Variants in HDAC4 observed in about 807,000 individuals in gnomAD.
HDAC4 encodes histone deacetylase A.
Under a neutral mutation model 135.1 loss-of-function variants are expected in HDAC4, and 16 were observed. The observed-to-expected ratio is 0.12, with a 90% confidence interval of 0.08 to 0.18. HDAC4 has a LOEUF of 0.18. Ranked by LOEUF, HDAC4 falls within the 10% of genes least tolerant of loss-of-function variation. The probability of loss-of-function intolerance (pLI) is 1.00; values close to 1 mark genes in which losing one functional copy is unlikely to be tolerated. For missense variants in HDAC4, 1,143 were observed against 1,511.8 expected (o/e 0.76, Z 4.05); for synonymous variants, 685 against 653.4 (o/e 1.05, Z -0.74).
chr2:239,140,826 C>A, intron 8 of HDAC4: 1 of 379,210 alleles, frequency 2.6e-6, no homozygotes, highest in Admixed American at 3.1e-5. Context: ...GCTTGCTGCC[C>A]GCGTCCTCCT....
Position 239,282,352 on chromosome 2 carries a change from T to C in HDAC4, c.23-45688A>G, listed in dbSNP as rs373357656. On this transcript the variant is annotated intron_variant, in intron 2 of 26. Coordinates refer to ENST00000543185, the MANE Select transcript of HDAC4 (RefSeq NM_001378414.1). ...AATGTACACACCACTCTCCACACAA[T>C]GTACACACCACTCTACAATGCACAC... Among the ~76,000 whole-genome samples the C allele has an allele frequency of 3.4e-5, 5 of 146,732 alleles. No homozygotes were observed. In the South Asian group the frequency reaches 6.8e-4, roughly 20 times the overall value.
At chr2:239,150,474 ATACACACACAGG>A (rs1469720830) in intron 7 of HDAC4, among the ~76,000 whole-genome samples, 1 of 151,738 alleles carries the variant, frequency 6.6e-6, no homozygotes, top group South Asian at 2.1e-4. Flanking sequence ...AGAAACACAG[ATACACACACAGG>A]TACACACACA....
intron 3 of HDAC4, among the ~76,000 whole-genome samples, chr2:239,222,505 T>C (rs2047012546): frequency 8.4e-6 from 1 of 119,010 alleles, no homozygotes; most frequent in South Asian, 2.6e-4. Flanking sequence ...TCCTGGAAAC[T>C]ATAAATAGAA....
intron 5 of HDAC4, among the ~76,000 whole-genome samples, chr2:239,168,634 C>T (rs1346115872): frequency 6.6e-6 from 1 of 152,210 alleles, no homozygotes; most frequent in African/African-American, 2.4e-5. Context: ...GGCGGTGCTT[C>T]GTGTCCCCCG....
At chr2:239,395,494 T>TA (rs1361820963) in intron 1 of HDAC4, among the ~76,000 whole-genome samples, 3 of 152,246 alleles carry the variant, frequency 2.0e-5, no homozygotes, top group African/African-American at 7.2e-5. Flanking sequence ...GCCAAGGACT[T>TA]AAAGAGTACT....
At chr2:239,274,000 G>A (rs910300773) in intron 2 of HDAC4, among the ~76,000 whole-genome samples, 1 of 152,200 alleles carries the variant, frequency 6.6e-6, no homozygotes, top group Admixed American at 6.5e-5. Context: ...TCGCATGTTC[G>A]GAAGACACCT....
At chr2:239,397,459 A>G (rs984700562) in intron 1 of HDAC4, among the ~76,000 whole-genome samples, 2 of 152,166 alleles carry the variant, frequency 1.3e-5, no homozygotes, top group Admixed American at 1.3e-4. Context: ...CGACAGTGAT[A>G]CAGGAAGTCA....
intron 22 of HDAC4, among the ~76,000 whole-genome samples, chr2:239,078,387 A>G (rs1335368396): frequency 7.0e-6 from 1 of 142,566 alleles, no homozygotes; most frequent in Non-Finnish European, 1.5e-5. Flanking sequence ...GCTGCCTGGA[A>G]GGCATGCATT....
Position 239,144,625 on chromosome 2 carries a change from G to A in HDAC4, c.823C>T (p.Pro275Ser). 6.2e-7 allele frequency: 1 copy of A among 1,614,172 alleles called. No individual in the cohort carries two copies. Among genetic ancestry groups the A allele is most frequent in the Non-Finnish European group, 8.5e-7 (1 of 1,180,020 alleles). Residue 275 changes from proline to serine, a missense_variant, in exon 8 of 27, where the codon CCA becomes TCA. By Grantham distance (74) the Pro-to-Ser change is moderately conservative (BLOSUM62 -1). Coordinates refer to ENST00000543185, the MANE Select transcript of HDAC4 (RefSeq NM_001378414.1). ...SSPLLRRKDGPVVTALKKRPL... is the reference protein window; with the variant it reads ...SSPLLRRKDGSVVTALKKRPL... ...CGCTTTTTTAGAGCAGTGACCACTGGCCCGTCTTTCCTGCGTAACAGGGGG... is the reference window on the plus strand; with the variant it reads ...CGCTTTTTTAGAGCAGTGACCACTGACCCGTCTTTCCTGCGTAACAGGGGG...
At chr2:239,092,532 G>A (rs769282473) in intron 17 of HDAC4, among the ~76,000 whole-genome samples, 1 of 152,216 alleles carries the variant, frequency 6.6e-6, no homozygotes, top group Non-Finnish European at 1.5e-5. Flanking sequence ...GGAGCTGCTC[G>A]GTCTACCAGG....
chr2:239,393,214 C>T (rs1388888878), intron 1 of HDAC4, among the ~76,000 whole-genome samples: 2 of 152,184 alleles, frequency 1.3e-5, no homozygotes, highest in Non-Finnish European at 2.9e-5. Context: ...AAGCATGTGC[C>T]CCAAGGAGGG....
chr2:239,312,379 G>A (rs1368046876), intron 2 of HDAC4, among the ~76,000 whole-genome samples: 1 of 152,172 alleles, frequency 6.6e-6, no homozygotes. Context: ...CTGCACGGTG[G>A]TGGTGCTGCC....
At position 239,118,859 on chromosome 2, in the gene HDAC4, TTGA is replaced by T. The variant is rs2039378256; in HGVS notation, c.1534-3552_1534-3550del. 9.2e-5 allele frequency among the ~76,000 whole-genome samples: 14 copies of T among 152,318 alleles called. No individual in the cohort carries two copies. In the South Asian group the frequency reaches 2.7e-3, roughly 29 times the overall value. On this transcript the variant is annotated intron_variant, in intron 12 of 26. Coordinates refer to ENST00000543185, the MANE Select transcript of HDAC4 (RefSeq NM_001378414.1). ...GCATGTGTTTCAACACTAGTTTCAC[TTGA>T]TGATTTTGAGGTCTGTGATTGCTTC...
In HDAC4 at chr2:239,107,688, G is replaced by C. The variant is rs535410957; in HGVS notation, c.2112+362C>G. Among the ~76,000 whole-genome samples the C allele has an allele frequency of 2.7e-4, 41 of 152,362 alleles. No homozygotes were observed. In the East Asian group the frequency reaches 7.9e-3, roughly 29 times the overall value. ...CCCGTGGCTCCTTCCTGGCAGCCCT[G>C]GGGGAGCATGGTGGGAACTGGTTTC... On this transcript the variant is annotated intron_variant, in intron 15 of 26. Transcript: ENST00000543185.
chr2:239,312,084 T>C (rs1193891918), intron 2 of HDAC4, among the ~76,000 whole-genome samples: 1 of 152,210 alleles, frequency 6.6e-6, no homozygotes, highest in Non-Finnish European at 1.5e-5. Flanking sequence ...CAGTTTAGAC[T>C]TGAGGAACCT....
At chr2:239,153,726 CAAGA>C (rs2042253443) in intron 7 of HDAC4, among the ~76,000 whole-genome samples, 1 of 152,196 alleles carries the variant, frequency 6.6e-6, no homozygotes, top group Non-Finnish European at 1.5e-5. Context: ...CTTCCGTTCT[CAAGA>C]AAGCAGGGAG....
At chr2:239,123,584 C>T (rs1054189208) in intron 12 of HDAC4, among the ~76,000 whole-genome samples, 15 of 152,234 alleles carry the variant, frequency 9.9e-5, no homozygotes, top group African/African-American at 2.2e-4. Context: ...GGGCCACAGC[C>T]GGCTGCCATC....
At chr2:239,187,328 G>A (rs3791549) in intron 4 of HDAC4, among the ~76,000 whole-genome samples, 27,870 of 152,216 alleles carry the variant, frequency 0.18, 2,926 homozygotes, top group East Asian at 0.32. Context: ...TGCAGAATAC[G>A]AAGGAGCTAC....
chr2:239,199,344 G>A (rs1423233903), intron 3 of HDAC4, among the ~76,000 whole-genome samples: 2 of 152,112 alleles, frequency 1.3e-5, no homozygotes, highest in African/African-American at 4.8e-5. Flanking sequence ...TCACTGACTA[G>A]ATTCTCTCAT....
Sources: gnomAD v4.1 joint callset for allele counts (sites outside exome capture counted in the v4.1 genomes callset) on GRCh38, gnomAD v4.1.1 for gene constraint, MANE v1.5 for transcripts, NCBI Gene and HGNC (gene_info 2026-07-23, HGNC 2026-07-21) for gene names.